CPLANE1: variants seen among roughly 807,000 people sequenced by gnomAD.
The protein encoded by CPLANE1 is ciliogenesis and planar polarity effector 1.
CPLANE1 carries 263 observed loss-of-function variants against 362.5 expected under a neutral mutation model. The ratio of observed to expected loss-of-function variants is 0.73; its 90% CI spans 0.66 to 0.80. The LOEUF (loss-of-function observed/expected upper bound fraction) is 0.80. Ranked by LOEUF, CPLANE1 falls within the 30% of genes least tolerant of loss-of-function variation. The pLI is 0.00. For missense variants in CPLANE1, 3,461 were observed against 3,793.4 expected (o/e 0.91, Z 2.30); for synonymous variants, 1,212 against 1,302.6 (o/e 0.93, Z 1.50).
rs933525568 is a variant in CPLANE1, at chr5:37,114,825, G to T, written c.9400+135C>A. The T allele has an allele frequency of 2.8e-5, 16 of 578,448 alleles. No individual in the cohort carries two copies. The South Asian group carries it at 3.4e-4, about 12-fold the overall frequency. 35.8% of individuals were successfully genotyped at this position (578,448 alleles called of 1,614,324 possible). On this transcript the variant is annotated intron_variant, in intron 51 of 52. Coordinates refer to ENST00000651892, the MANE Select transcript of CPLANE1 (RefSeq NM_001384732.1). ...TGAGGCAGGAGAATCACTTGAACCC[G>T]GGAGTGGAGGTTACAGTGAGCCGAC... is the stretch of plus-strand genomic sequence containing the variant.
intron 43 of CPLANE1, among the ~76,000 whole-genome samples, chr5:37,147,035 G>A (rs539413150): frequency 1.8e-4 from 28 of 152,182 alleles, no homozygotes; most frequent in Admixed American, 5.2e-4. Flanking sequence ...TTTACAAGGA[G>A]AAATAATTCC....
Position 37,185,078 on chromosome 5 carries a change from T to G in CPLANE1, c.4191A>C (p.Gly1397=), listed in dbSNP as rs1253092654. Residue 1397 remains glycine, a splice_region_variant and synonymous_variant, in exon 25 of 53, where the codon GGA becomes GGC. Coordinates refer to ENST00000651892, the MANE Select transcript of CPLANE1 (RefSeq NM_001384732.1). ...HQRLRHCVVK[G]PQTEEMMSVV... ...CAGACATCATTTCCTCAGTCTGGGG[T>G]CCTGGAAAGAAAAGAATAAAAAGTC... The G allele has an allele frequency of 1.3e-5, 21 of 1,594,046 alleles. No individual in the cohort carries two copies. Among genetic ancestry groups the G allele is most frequent in the Non-Finnish European group, 1.8e-5 (21 of 1,173,934 alleles).
intron 8 of CPLANE1, among the ~76,000 whole-genome samples, chr5:37,236,900 A>C (rs1799124358): frequency 6.6e-6 from 1 of 152,206 alleles, no homozygotes; most frequent in African/African-American, 2.4e-5. Context: ...ATTACTAAAA[A>C]GTCAAAAAAC....
chr5:37,179,949 T>C, intron 28 of CPLANE1, 68 bp downstream of exon 28: 1 of 1,075,466 alleles, frequency 9.3e-7, no homozygotes, highest in Non-Finnish European at 1.3e-6. Flanking sequence ...ATAAGTTACC[T>C]CAGATAATAT....
At chr5:37,237,203 CA>C (rs1158037892) in intron 8 of CPLANE1, among the ~76,000 whole-genome samples, 1 of 152,028 alleles carries the variant, frequency 6.6e-6, no homozygotes, top group Non-Finnish European at 1.5e-5. Context: ...CATCTATCAA[CA>C]AAGGATTGGA....
At chr5:37,177,235 T>A (rs1781424815) in intron 30 of CPLANE1, among the ~76,000 whole-genome samples, 1 of 152,184 alleles carries the variant, frequency 6.6e-6, no homozygotes, top group African/African-American at 2.4e-5. Context: ...ATAGTAATCA[T>A]CACAACAGTG....
chr5:37,114,878 A>G, intron 51 of CPLANE1, 82 bp downstream of exon 51: 3 of 824,796 alleles, frequency 3.6e-6, no homozygotes, highest in Non-Finnish European at 5.8e-6. Flanking sequence ...CAGACTGGGC[A>G]ACAGAGTGAG....
chr5:37,208,161 G>A (rs1254046961), intron 16 of CPLANE1, among the ~76,000 whole-genome samples: 6 of 152,162 alleles, frequency 3.9e-5, no homozygotes, highest in African/African-American at 1.2e-4. Flanking sequence ...TGTTGCCCAG[G>A]CTGATCTCAA....
At chr5:37,127,362 T>A (rs301893) in intron 46 of CPLANE1, among the ~76,000 whole-genome samples, 22,954 of 152,050 alleles carry the variant, frequency 0.15, 2,339 homozygotes, top group African/African-American at 0.29. Flanking sequence ...TTTTTCCCTT[T>A]CAGGCATTTC....
At chr5:37,203,079 T>C (rs1477238580) in intron 18 of CPLANE1, among the ~76,000 whole-genome samples, 1 of 152,148 alleles carries the variant, frequency 6.6e-6, no homozygotes, top group Non-Finnish European at 1.5e-5. Context: ...TGAGACATAA[T>C]TTACATACTA....
Position 37,153,765 on chromosome 5 carries a change from T to A in CPLANE1, c.8348A>T (p.Glu2783Val). Residue 2783 changes from glutamate to valine, a missense_variant, in exon 42 of 53, where the codon GAA becomes GTA. Glu to Val is a moderately radical substitution (Grantham distance 121, BLOSUM62 -2). Transcript: ENST00000651892. ...CTTATCACAATGTAGATCTAGCATTTCAGGCTTGGGGAAATCCTGTTCTAT... is the reference window on the plus strand; with the variant it reads ...CTTATCACAATGTAGATCTAGCATTACAGGCTTGGGGAAATCCTGTTCTAT... ...ENIEQDFPKP[E>V]MLDLHCDKIG... 1 of 1,613,270 alleles carries A rather than the reference T, an allele frequency of 6.2e-7. No homozygotes were observed. The highest frequency in any genetic ancestry group is 8.5e-7 in the Non-Finnish European group (1 of 1,179,306).
intron 25 of CPLANE1, 72 bp from the exon 26 acceptor site, chr5:37,183,771 T>C: frequency 9.4e-7 from 1 of 1,062,488 alleles, no homozygotes; most frequent in South Asian, 1.7e-5. Flanking sequence ...AGAATTGACA[T>C]GGAAAATTCT....
chr5:37,109,276 G>A (rs1758439065), intron 51 of CPLANE1, among the ~76,000 whole-genome samples: 1 of 152,170 alleles, frequency 6.6e-6, no homozygotes, highest in Admixed American at 6.5e-5. Flanking sequence ...CCAACCTTAT[G>A]TACTTGAAGC....
chr5:37,186,187 T>C lies in CPLANE1; in HGVS notation c.4189+99A>G, dbSNP rs147566219. The C allele has an allele frequency of 4.2e-5, 28 of 659,956 alleles. No homozygotes were observed. The East Asian group carries it at 6.6e-4, about 16-fold the overall frequency. The allele number at this position is 659,956 out of a possible 1,614,324, so 40.9% of individuals were successfully genotyped here. Reference sequence around the variant, plus strand: ...TCCTATCTCAAGGAAGAGGCAAAAATGCATAGACACATAAGCAACAGTAAA... The same window carrying C: ...TCCTATCTCAAGGAAGAGGCAAAAACGCATAGACACATAAGCAACAGTAAA... On this transcript the variant is annotated intron_variant, in intron 24 of 52. Transcript: ENST00000651892.
At chr5:37,217,746 G>T (rs529398251) in intron 15 of CPLANE1, among the ~76,000 whole-genome samples, 249 of 151,982 alleles carry the variant, frequency 1.6e-3, no homozygotes, top group African/African-American at 5.8e-3. Flanking sequence ...GGAGGCCGAG[G>T]GGGGAGGATC....
intron 18 of CPLANE1, among the ~76,000 whole-genome samples, chr5:37,204,831 G>T (rs1790243097): frequency 6.6e-6 from 1 of 151,446 alleles, no homozygotes; most frequent in South Asian, 2.1e-4. Flanking sequence ...CATCAATTTT[G>T]GGTGTTCCCA....
At chr5:37,084,291 A>G in the CPLANE1 span, among the ~76,000 whole-genome samples, 130 of 152,366 alleles carry the variant, frequency 8.5e-4, no homozygotes, top group Admixed American at 1.4e-3. Context: ...TAAATCTTGA[A>G]ACAAATCCAG....
intron 21 of CPLANE1, among the ~76,000 whole-genome samples, chr5:37,188,818 T>C (rs1208693418): frequency 6.6e-6 from 1 of 152,200 alleles, no homozygotes; most frequent in Admixed American, 6.5e-5. Flanking sequence ...AAATTTAGCA[T>C]TCATTCATTT....
intron 16 of CPLANE1, among the ~76,000 whole-genome samples, chr5:37,208,176 C>T (rs1791375350): frequency 6.6e-6 from 1 of 152,210 alleles, no homozygotes; most frequent in Non-Finnish European, 1.5e-5. Context: ...TCTCAAACTC[C>T]TGAACTCAAG....
Sources: allele counts gnomAD v4.1 joint callset (sites outside exome capture counted in the v4.1 genomes callset), GRCh38; gene constraint gnomAD v4.1.1; transcripts MANE v1.5; gene names NCBI Gene and HGNC (gene_info 2026-07-23, HGNC 2026-07-21).